Variants in COL22A1 observed in about 807,000 individuals in gnomAD.
The protein encoded by COL22A1 is collagen type XXII alpha 1 chain, also known as collagen alpha-1(XXII) chain.
A neutral mutation model predicts 248.9 loss-of-function variants in COL22A1; 221 were observed. The ratio of observed to expected loss-of-function variants is 0.89; its 90% CI spans 0.80 to 0.99. COL22A1 has a LOEUF of 0.99. Ranked by LOEUF, COL22A1 falls within the 50% of genes least tolerant of loss-of-function variation. The pLI, the probability that COL22A1 is intolerant of heterozygous loss-of-function variation, is 0.00. For missense variants in COL22A1, 2,240 were observed against 2,179.0 expected (o/e 1.03, Z -0.56); for synonymous variants, 891 against 793.4 (o/e 1.12, Z -2.07).
At chr8:138,763,212 C>T (rs1833641728) in intron 16 of COL22A1, among the ~76,000 whole-genome samples, 1 of 152,056 alleles carries the variant, frequency 6.6e-6, no homozygotes, top group Non-Finnish European at 1.5e-5. Context: ...CATGGTGAAA[C>T]CCCATCTCTA....
intron 17 of COL22A1, 135 bp from the exon 18 acceptor site, chr8:138,760,422 C>A: frequency 1.4e-6 from 1 of 726,322 alleles, no homozygotes; most frequent in Non-Finnish European, 2.2e-6. Context: ...CCCTTTAGAC[C>A]TGACTTTCTG....
chr8:138,776,366 C>T (rs1392892668), intron 15 of COL22A1, among the ~76,000 whole-genome samples: 1 of 152,196 alleles, frequency 6.6e-6, no homozygotes, highest in Non-Finnish European at 1.5e-5. Flanking sequence ...CAAGACACTA[C>T]ATCTGTGATA....
At chr8:138,633,954 G>GA (rs1820934438) in intron 49 of COL22A1, among the ~76,000 whole-genome samples, 1 of 152,174 alleles carries the variant, frequency 6.6e-6, no homozygotes, top group Non-Finnish European at 1.5e-5. Flanking sequence ...CGCTTGGGAG[G>GA]AAAATGTGTT....
At chr8:138,857,495 C>A (rs557150319) in intron 3 of COL22A1, among the ~76,000 whole-genome samples, 123 of 152,316 alleles carry the variant, frequency 8.1e-4, no homozygotes, top group Non-Finnish European at 7.1e-4. Flanking sequence ...CAGCAAGGCA[C>A]CTGAGGCTCG....
intron 42 of COL22A1, among the ~76,000 whole-genome samples, chr8:138,663,291 G>A (rs1245207118): frequency 1.3e-5 from 2 of 152,320 alleles, no homozygotes; most frequent in African/African-American, 4.8e-5. Context: ...GGTCTCCACA[G>A]TGGCTCCCGG....
intron 62 of COL22A1, among the ~76,000 whole-genome samples, chr8:138,595,830 C>G (rs1466488896): frequency 6.6e-6 from 1 of 151,992 alleles, no homozygotes; most frequent in Non-Finnish European, 1.5e-5. Context: ...CCTTGTGCTC[C>G]TGGAAAGTAG....
intron 32 of COL22A1, 93 bp from the exon 33 acceptor site, chr8:138,694,972 C>A: frequency 8.2e-7 from 1 of 1,212,160 alleles, no homozygotes; most frequent in Non-Finnish European, 1.2e-6. Flanking sequence ...CACAGGCCAC[C>A]TCCAGTCCTG....
chr8:138,804,830 G>A (rs994301030), intron 10 of COL22A1, among the ~76,000 whole-genome samples: 1 of 150,602 alleles, frequency 6.6e-6, no homozygotes, highest in Non-Finnish European at 1.5e-5. Flanking sequence ...GTGATATGGG[G>A]TGTGTGTGTG....
chr8:138,606,885 T>C (rs1818469463), intron 57 of COL22A1, among the ~76,000 whole-genome samples: 1 of 152,144 alleles, frequency 6.6e-6, no homozygotes, highest in Non-Finnish European at 1.5e-5. Context: ...CCATCATGCA[T>C]GGGTCAGTAC....
chr8:138,701,838 A>C (rs1002841096), intron 31 of COL22A1, among the ~76,000 whole-genome samples: 2 of 152,218 alleles, frequency 1.3e-5, no homozygotes, highest in African/African-American at 4.8e-5. Flanking sequence ...GCAGTGATTG[A>C]CTAATAGATT....
intron 25 of COL22A1, among the ~76,000 whole-genome samples, chr8:138,724,173 C>G (rs1027719391): frequency 6.6e-6 from 1 of 152,296 alleles, no homozygotes; most frequent in Admixed American, 6.5e-5. Flanking sequence ...CCACCTGCCC[C>G]CTAAGATCCC....
At chr8:138,799,131 A>C (rs552214779) in intron 11 of COL22A1, among the ~76,000 whole-genome samples, 1 of 152,206 alleles carries the variant, frequency 6.6e-6, no homozygotes, top group South Asian at 2.1e-4. Context: ...CATTTATTAT[A>C]ATTTTAAACC....
intron 64 of COL22A1, among the ~76,000 whole-genome samples, chr8:138,589,685 ACC>A: frequency 1.3e-5 from 2 of 152,216 alleles, no homozygotes; most frequent in Non-Finnish European, 2.9e-5. Flanking sequence ...TAATCCAGGT[ACC>A]ACTGGAGAGA....
chr8:138,664,209 GCACACACACACACACACACA>G (rs1173353118), intron 41 of COL22A1, among the ~76,000 whole-genome samples: 11 of 103,204 alleles, frequency 1.1e-4, no homozygotes, highest in East Asian at 3.2e-4. Flanking sequence ...GCGCGCGCGC[GCACACACACACACACACACA>G]CACACACACA....
intron 8 of COL22A1, among the ~76,000 whole-genome samples, chr8:138,812,144 C>T (rs554558188): frequency 1.3e-3 from 192 of 152,344 alleles, no homozygotes; most frequent in African/African-American, 3.9e-3. Context: ...CAGTCTCACA[C>T]CTCGCAAGTG....
At position 138,844,084 on chromosome 8, in the gene COL22A1, C is replaced by G. The variant is rs759773050; in HGVS notation, c.733G>C (p.Gly245Arg). Residue 245 changes from glycine (G) to arginine (R), a missense_variant and splice_region_variant, in exon 4 of 65, where the codon GGT becomes CGT. By Grantham distance (125) the Gly-to-Arg change is moderately radical. Transcript: ENST00000303045. ...HTNGGTKEIT[G>R]FDLMDLFSVK... Reference sequence around the variant, plus strand: ...CACGTGGTTATTGTTTTTCCCTTACCTGTGATTTCCTTGGTTCCTCCATTG... The same window carrying G: ...CACGTGGTTATTGTTTTTCCCTTACGTGTGATTTCCTTGGTTCCTCCATTG... 7 of 1,613,482 alleles carry G rather than the reference C, an allele frequency of 4.3e-6. No individual in the cohort carries two copies. In the East Asian group the frequency reaches 1.6e-4, roughly 36 times the overall value.
chr8:138,862,029 A>AAC (rs1288638613), intron 3 of COL22A1, among the ~76,000 whole-genome samples: 2 of 135,360 alleles, frequency 1.5e-5, no homozygotes, highest in East Asian at 2.0e-4. Flanking sequence ...TCTCTACTAA[A>AAC]AAAAAAAAAA....
At chr8:138,894,990 T>C in intron 1 of COL22A1, among the ~76,000 whole-genome samples, 1 of 150,798 alleles carries the variant, frequency 6.6e-6, no homozygotes, top group Non-Finnish European at 1.5e-5. Context: ...ACCCAGGAAA[T>C]TGAAGCTGCA....
chr8:138,673,290 A>G (rs369457603), intron 41 of COL22A1, among the ~76,000 whole-genome samples: 13 of 151,428 alleles, frequency 8.6e-5, no homozygotes, highest in African/African-American at 2.4e-4. Flanking sequence ...GCTCACTGCA[A>G]TCTCCACCTC....
Sources: allele counts gnomAD v4.1 joint callset (sites outside exome capture counted in the v4.1 genomes callset), GRCh38; gene constraint gnomAD v4.1.1; transcripts MANE v1.5; gene names NCBI Gene and HGNC (gene_info 2026-07-23, HGNC 2026-07-21).